Variants in SNTB1 observed in about 807,000 individuals in gnomAD.
SNTB1 encodes syntrophin beta 1.
In SNTB1, 36 loss-of-function variants were observed where a neutral mutation model predicts 48.9. The ratio of observed to expected loss-of-function variants is 0.74; its 90% CI spans 0.56 to 0.97. SNTB1 has a LOEUF of 0.97. Ranked by LOEUF, SNTB1 falls within the 50% of genes least tolerant of loss-of-function variation. The pLI is 0.00. For missense variants in SNTB1, 786 were observed against 703.4 expected (o/e 1.12, Z -1.33); for synonymous variants, 299 against 294.6 (o/e 1.01, Z -0.15).
chr8:120,637,755 G>T, intron 2 of SNTB1: 1 of 402,716 alleles, frequency 2.5e-6, no homozygotes, highest in Non-Finnish European at 4.9e-6. Flanking sequence ...CATAAGATAA[G>T]ACATTCTGTA....
intron 2 of SNTB1, among the ~76,000 whole-genome samples, chr8:120,691,789 C>G (rs1207090214): frequency 1.3e-5 from 2 of 152,250 alleles, no homozygotes; most frequent in East Asian, 3.9e-4. Flanking sequence ...CATAGGCTGC[C>G]ACTTTGCAGT....
intron 1 of SNTB1, among the ~76,000 whole-genome samples, chr8:120,741,941 C>G (rs1411469782): frequency 6.6e-6 from 1 of 152,202 alleles, no homozygotes; most frequent in Non-Finnish European, 1.5e-5. Context: ...CAACTCTATT[C>G]TCCAAAGTAT....
intron 1 of SNTB1, among the ~76,000 whole-genome samples, chr8:120,791,070 C>G (rs1303834991): frequency 6.6e-6 from 1 of 151,578 alleles, no homozygotes; most frequent in Non-Finnish European, 1.5e-5. Flanking sequence ...AACATGTATA[C>G]TATAGCAACC....
intron 1 of SNTB1, among the ~76,000 whole-genome samples, chr8:120,784,846 G>A (rs1819895746): frequency 6.6e-6 from 1 of 152,220 alleles, no homozygotes; most frequent in Non-Finnish European, 1.5e-5. Context: ...GTGGGCAGCA[G>A]CCTACACTGT....
intron 2 of SNTB1, among the ~76,000 whole-genome samples, chr8:120,681,896 AC>A (rs1817937353): frequency 2.6e-5 from 4 of 152,204 alleles, no homozygotes; most frequent in Admixed American, 2.0e-4. Flanking sequence ...AAACAAACAA[AC>A]AAACAAACAA....
chr8:120,803,288 T>G (rs562515796), intron 1 of SNTB1, among the ~76,000 whole-genome samples: 2 of 152,274 alleles, frequency 1.3e-5, no homozygotes, highest in Non-Finnish European at 2.9e-5. Flanking sequence ...TTTCCCTGTT[T>G]GAGAGTGGCG....
intron 1 of SNTB1, among the ~76,000 whole-genome samples, chr8:120,810,651 G>A (rs1389566322): frequency 6.6e-6 from 1 of 152,120 alleles, no homozygotes; most frequent in Non-Finnish European, 1.5e-5. Context: ...CATATTCCCC[G>A]GCCCCTGACA....
At chr8:120,785,790 G>A (rs1189588389) in intron 1 of SNTB1, among the ~76,000 whole-genome samples, 1 of 152,192 alleles carries the variant, frequency 6.6e-6, no homozygotes, top group African/African-American at 2.4e-5. Flanking sequence ...GAGCTCTTTT[G>A]CAAGCATCAC....
chr8:120,669,703 T>C lies in SNTB1; in HGVS notation c.788+23989A>G, dbSNP rs533015156. Among the ~76,000 whole-genome samples, 1,396 of 143,838 alleles carry C rather than the reference T, an allele frequency of 9.7e-3. 569 individuals carry two copies. In the Middle Eastern group the frequency reaches 0.11, roughly 12 times the overall value. 94.4% of individuals were successfully genotyped at this position (143,838 alleles called of 152,430 possible). ...TCCTGACCTCGTGATCCACCCGCCT[T>C]GGCCTCCCAAAGTGCTGGGATTACA... On this transcript the variant is annotated intron_variant, in intron 2 of 6. Coordinates refer to ENST00000517992, the MANE Select transcript of SNTB1 (RefSeq NM_021021.4).
intron 4 of SNTB1, among the ~76,000 whole-genome samples, chr8:120,551,480 T>G (rs190880616): frequency 6.4e-4 from 98 of 152,008 alleles, no homozygotes; most frequent in Non-Finnish European, 9.6e-4. Context: ...GTCTGACATT[T>G]GTTAAACTTT....
intron 3 of SNTB1, among the ~76,000 whole-genome samples, chr8:120,613,102 C>T (rs977175128): frequency 1.3e-5 from 2 of 152,140 alleles, no homozygotes; most frequent in African/African-American, 4.8e-5. Flanking sequence ...ATAATCCCAG[C>T]ACTTTGGGAG....
At position 120,811,938 on chromosome 8, in the gene SNTB1, G is replaced by C; in HGVS notation, c.-95C>G. 7.8e-7 allele frequency: 1 copy of C among 1,278,052 alleles called. No individual in the cohort carries two copies. The highest frequency in any genetic ancestry group is 9.8e-7 in the Non-Finnish European group (1 of 1,016,952). The allele number at this position is 1,278,052 out of a possible 1,614,324, so 79.2% of individuals were successfully genotyped here. A position where few individuals can be genotyped will look rare whatever the true frequency, so the allele number is the denominator to read the frequency against. ...AGGACGCGGGGCCCGGGGGAGCGAG[G>C]AGAGTGCGTCCCGCGGGGAGGTGGC... On this transcript the variant is annotated 5_prime_UTR_variant, in exon 1 of 7. Transcript: ENST00000517992.
At chr8:120,611,872 C>T (rs1340948074) in intron 3 of SNTB1, among the ~76,000 whole-genome samples, 1 of 148,628 alleles carries the variant, frequency 6.7e-6, no homozygotes, top group East Asian at 2.0e-4. Context: ...TGGCAAATTT[C>T]CTTTGGGTTT....
chr8:120,811,793 G>C lies in SNTB1; in HGVS notation c.51C>G (p.Gly17=), dbSNP rs1198820029. Residue 17 remains glycine (G), a synonymous_variant, in exon 1 of 7, where the codon GGC becomes GGG. Coordinates refer to ENST00000517992, the MANE Select transcript of SNTB1 (RefSeq NM_021021.4). ...AAAAGPAGAG[G]GRAQRSGLLE... ...GCAGCCCGCTCCGCTGCGCCCGGCCGCCTCCCGCGCCAGCCGGCCCAGCCG... is the reference window on the plus strand; with the variant it reads ...GCAGCCCGCTCCGCTGCGCCCGGCCCCCTCCCGCGCCAGCCGGCCCAGCCG... 7.0e-7 allele frequency: 1 copy of C among 1,428,676 alleles called. No individual in the cohort carries two copies. Among genetic ancestry groups the C allele is most frequent in the South Asian group, 1.6e-5 (1 of 61,666 alleles). 88.5% of individuals were successfully genotyped at this position (1,428,676 alleles called of 1,614,324 possible). A position where few individuals can be genotyped will look rare whatever the true frequency, so the allele number is the denominator to read the frequency against.
intron 1 of SNTB1, among the ~76,000 whole-genome samples, chr8:120,765,183 C>T (rs144677731): frequency 0.019 from 2,879 of 152,222 alleles, 90 homozygotes; most frequent in African/African-American, 0.063. Context: ...CAAGATCCTG[C>T]CACGGCACTC....
chr8:120,757,798 C>A (rs28682880), intron 1 of SNTB1, among the ~76,000 whole-genome samples: 19,846 of 152,090 alleles, frequency 0.13, 4,271 homozygotes, highest in African/African-American at 0.45. Flanking sequence ...TTTCTCCCTA[C>A]CATGGGGAAC....
intron 2 of SNTB1, among the ~76,000 whole-genome samples, chr8:120,653,764 G>T (rs1817447256): frequency 6.6e-6 from 1 of 152,024 alleles, no homozygotes; most frequent in Non-Finnish European, 1.5e-5. Flanking sequence ...TTAGGGCCGG[G>T]TGCTGTGGCT....
intron 2 of SNTB1, among the ~76,000 whole-genome samples, chr8:120,665,255 C>A (rs1271280635): frequency 6.6e-6 from 1 of 152,032 alleles, no homozygotes; most frequent in Non-Finnish European, 1.5e-5. Context: ...AGTTCAAGAC[C>A]AGCCTGGCCA....
intron 1 of SNTB1, among the ~76,000 whole-genome samples, chr8:120,695,285 A>G (rs1818193828): frequency 2.0e-5 from 3 of 152,230 alleles, no homozygotes; most frequent in Non-Finnish European, 4.4e-5. Context: ...AGACATCAAC[A>G]GGATTATAGA....
Sources: allele counts gnomAD v4.1 joint callset (sites outside exome capture counted in the v4.1 genomes callset), GRCh38; gene constraint gnomAD v4.1.1; transcripts MANE v1.5; gene names NCBI Gene and HGNC (gene_info 2026-07-23, HGNC 2026-07-21).